Variants in FSTL4 observed in about 807,000 individuals in gnomAD.
FSTL4 encodes the protein follistatin like 4.
Under a neutral mutation model 78.2 loss-of-function variants are expected in FSTL4, and 28 were observed. The observed-to-expected ratio is 0.36, with a 90% CI of 0.27 to 0.49. The LOEUF (loss-of-function observed/expected upper bound fraction) is 0.49, where lower values mean the gene tolerates loss of function less well. Ranked by LOEUF, FSTL4 falls within the 20% of genes least tolerant of loss-of-function variation. FSTL4 has a pLI of 0.98. For synonymous variants in FSTL4, 422 were observed against 440.5 expected, an observed-to-expected ratio of 0.96 and a Z score of 0.53; for missense variants, 922 against 1,084.9, an observed-to-expected ratio of 0.85 and a Z score of 2.11.
At chr5:133,282,003 C>T (rs1354830067) in intron 6 of FSTL4, among the ~76,000 whole-genome samples, 1 of 152,180 alleles carries the variant, frequency 6.6e-6, no homozygotes, top group Non-Finnish European at 1.5e-5. Context: ...CCTATGTTTT[C>T]CCCGAAGCAT....
intron 4 of FSTL4, among the ~76,000 whole-genome samples, chr5:133,357,355 T>G (rs146293919): frequency 9.3e-4 from 142 of 152,218 alleles, no homozygotes; most frequent in Non-Finnish European, 1.7e-3. Context: ...TTCCCTCTCT[T>G]CTGCCCCCAA....
chr5:133,561,362 C>T (rs1759909710), intron 3 of FSTL4, among the ~76,000 whole-genome samples: 1 of 152,112 alleles, frequency 6.6e-6, no homozygotes, highest in South Asian at 2.1e-4. Context: ...GTCCACGAGG[C>T]TGTGTGGACA....
chr5:133,780,477 A>G, the FSTL4 span, among the ~76,000 whole-genome samples: 2 of 150,260 alleles, frequency 1.3e-5, no homozygotes, highest in Non-Finnish European at 3.0e-5. Flanking sequence ...TGATCCAAGC[A>G]AATCAGCTTG....
chr5:133,348,918 C>T (rs755927353), intron 4 of FSTL4, among the ~76,000 whole-genome samples: 33 of 152,126 alleles, frequency 2.2e-4, no homozygotes, highest in Admixed American at 3.9e-4. Context: ...AAAATCTACC[C>T]GCCTGAACCA....
Position 133,572,970 on chromosome 5 carries a change from C to T in FSTL4, c.127-5751G>A, listed in dbSNP as rs774099056. Among the ~76,000 whole-genome samples, 6 of 151,974 alleles carry T rather than the reference C, an allele frequency of 3.9e-5. No individual in the cohort carries two copies. The East Asian group carries it at 5.8e-4, about 15-fold the overall frequency. Reference sequence around the variant, plus strand: ...ATTAAAACACAAGGATTGGGCTGGGCGAGGTGACTCATGCATGTAATCCCA... The same window carrying T: ...ATTAAAACACAAGGATTGGGCTGGGTGAGGTGACTCATGCATGTAATCCCA... On this transcript the variant is annotated intron_variant, in intron 2 of 15. Coordinates refer to ENST00000265342, the MANE Select transcript of FSTL4 (RefSeq NM_015082.2).
chr5:133,641,835 CTCTTTCTTCTTTCTTCTTCTTCTTACCTT>C, the FSTL4 span, among the ~76,000 whole-genome samples: 1 of 150,734 alleles, frequency 6.6e-6, no homozygotes. Flanking sequence ...TTCTTCTTTC[CTCTTTCTTCTTTCTTCTTCTTCTTACCTT>C]TCTTTCTTCT....
At chr5:133,317,625 T>C (rs1409069185) in intron 4 of FSTL4, among the ~76,000 whole-genome samples, 1 of 152,182 alleles carries the variant, frequency 6.6e-6, no homozygotes. Flanking sequence ...GGAGAGTCAA[T>C]AGAAAGAAGT....
At chr5:133,211,092 TG>T (rs2047358393) in intron 13 of FSTL4, 1 of 152,272 alleles carries the variant, frequency 6.6e-6, no homozygotes, top group African/African-American at 2.4e-5. Context: ...GTTTCTATCT[TG>T]CACAGCCTTT....
chr5:133,704,071 A>G, the FSTL4 span, among the ~76,000 whole-genome samples: 1 of 152,246 alleles, frequency 6.6e-6, no homozygotes, highest in Non-Finnish European at 1.5e-5. Flanking sequence ...GTGGAGGGAC[A>G]GGGAACAGGG....
At chr5:133,381,472 A>G (rs1335194378) in intron 4 of FSTL4, among the ~76,000 whole-genome samples, 1 of 152,232 alleles carries the variant, frequency 6.6e-6, no homozygotes, top group Non-Finnish European at 1.5e-5. Flanking sequence ...AGACACATTT[A>G]TGAATATAAA....
intron 4 of FSTL4, among the ~76,000 whole-genome samples, chr5:133,352,533 C>T (rs940879510): frequency 3.3e-5 from 5 of 152,016 alleles, no homozygotes; most frequent in African/African-American, 9.7e-5. Flanking sequence ...CCTCAGCCCC[C>T]CAAGTAGCTG....
At chr5:133,252,965 ATG>A (rs1359481951) in intron 6 of FSTL4, among the ~76,000 whole-genome samples, 10 of 152,236 alleles carry the variant, frequency 6.6e-5, no homozygotes, top group Non-Finnish European at 1.0e-4. Context: ...CAAAATTAGA[ATG>A]TGTGAATACT....
At chr5:133,740,780 C>G in the FSTL4 span, among the ~76,000 whole-genome samples, 3 of 152,202 alleles carry the variant, frequency 2.0e-5, no homozygotes, top group African/African-American at 7.2e-5. Context: ...AGGGCCATTT[C>G]CTACTTCTGG....
intron 2 of FSTL4, among the ~76,000 whole-genome samples, chr5:133,567,933 G>A (rs141854320): frequency 6.6e-6 from 1 of 152,304 alleles, no homozygotes; most frequent in African/African-American, 2.4e-5. Context: ...ACAAATTACT[G>A]AGAAATGAAA....
chr5:133,810,937 A>G, the FSTL4 span, among the ~76,000 whole-genome samples: 1 of 152,212 alleles, frequency 6.6e-6, no homozygotes, highest in Admixed American at 6.5e-5. Context: ...CTATGCTTGC[A>G]GCTCGATTTT....
intron 3 of FSTL4, among the ~76,000 whole-genome samples, chr5:133,532,182 C>T (rs1342800196): frequency 6.6e-6 from 1 of 152,136 alleles, no homozygotes; most frequent in Non-Finnish European, 1.5e-5. Context: ...TGATGTGGGG[C>T]CACAAGCCAA....
intron 4 of FSTL4, among the ~76,000 whole-genome samples, chr5:133,373,957 C>T (rs1348141551): frequency 6.6e-6 from 1 of 152,220 alleles, no homozygotes; most frequent in African/African-American, 2.4e-5. Flanking sequence ...CTCCAGCTCT[C>T]TCCTGCAGTA....
At chr5:133,391,261 T>C (rs958235357) in intron 4 of FSTL4, among the ~76,000 whole-genome samples, 4 of 152,220 alleles carry the variant, frequency 2.6e-5, no homozygotes, top group African/African-American at 9.6e-5. Flanking sequence ...GAAGGCACGA[T>C]AGGGGAGAAC....
chr5:133,287,558 C>T (rs1753163966), intron 6 of FSTL4, among the ~76,000 whole-genome samples: 5 of 152,050 alleles, frequency 3.3e-5, no homozygotes, highest in Admixed American at 3.3e-4. Context: ...CATTTCATTT[C>T]CTAAGATGCA....
Sources: allele counts gnomAD v4.1 joint callset (sites outside exome capture counted in the v4.1 genomes callset), GRCh38; gene constraint gnomAD v4.1.1; transcripts MANE v1.5; gene names NCBI Gene and HGNC (gene_info 2026-07-23, HGNC 2026-07-21).